SUGCT: variants seen among roughly 807,000 people sequenced by gnomAD.
SUGCT encodes the protein succinyl-CoA:glutarate-CoA transferase.
Under a neutral mutation model 55.0 loss-of-function variants are expected in SUGCT, and 41 were observed. That is an observed-to-expected ratio of 0.74 (90% CI 0.58 to 0.97). The LOEUF (loss-of-function observed/expected upper bound fraction) is 0.97, where lower values mean the gene tolerates loss of function less well. SUGCT is among the 50% of genes least tolerant of loss of function. The probability of loss-of-function intolerance (pLI) is 0.00; values close to 1 mark genes in which losing one functional copy is unlikely to be tolerated. For missense variants in SUGCT, 568 were observed against 547.8 expected (o/e 1.04, Z -0.37); for synonymous variants, 187 against 200.4 (o/e 0.93, Z 0.56).
the SUGCT span, among the ~76,000 whole-genome samples, chr7:41,035,241 G>T: frequency 6.6e-6 from 1 of 152,318 alleles, no homozygotes; most frequent in South Asian, 2.1e-4. Flanking sequence ...CAACCAGGTG[G>T]TCTCCAGGAA....
chr7:40,460,932 T>C (rs1048523642), intron 11 of SUGCT, among the ~76,000 whole-genome samples: 1 of 152,150 alleles, frequency 6.6e-6, no homozygotes, highest in Non-Finnish European at 1.5e-5. Context: ...GAGAGGAAAT[T>C]TCATAAGGAG....
chr7:40,514,283 T>A (rs1435031665), intron 12 of SUGCT, among the ~76,000 whole-genome samples: 4 of 152,106 alleles, frequency 2.6e-5, no homozygotes, highest in Non-Finnish European at 5.9e-5. Flanking sequence ...ACCTGAAGAT[T>A]CAGACTTCAT....
chr7:40,409,258 C>T (rs1261632696), intron 9 of SUGCT, among the ~76,000 whole-genome samples: 1 of 135,624 alleles, frequency 7.4e-6, no homozygotes, highest in Non-Finnish European at 1.6e-5. Flanking sequence ...GCTGAGCTGT[C>T]TCTCTTTTTT....
chr7:40,370,593 G>T (rs933886332), intron 9 of SUGCT, among the ~76,000 whole-genome samples: 2 of 148,204 alleles, frequency 1.3e-5, no homozygotes, highest in Non-Finnish European at 3.0e-5. Context: ...GAGAGAGATG[G>T]GGGAGAGAGA....
chr7:40,365,920 A>G (rs1248909887), intron 9 of SUGCT, among the ~76,000 whole-genome samples: 8 of 151,900 alleles, frequency 5.3e-5, no homozygotes, highest in East Asian at 1.9e-4. Context: ...CTACTTTAAA[A>G]TTCATATGGA....
chr7:40,471,857 T>G (rs1041693126), intron 11 of SUGCT, among the ~76,000 whole-genome samples: 4 of 152,030 alleles, frequency 2.6e-5, no homozygotes, highest in African/African-American at 7.2e-5. Context: ...AAGAGACTAT[T>G]AAAATAGGTC....
chr7:40,632,366 A>G (rs1403123179), intron 12 of SUGCT, among the ~76,000 whole-genome samples: 1 of 151,702 alleles, frequency 6.6e-6, no homozygotes, highest in Non-Finnish European at 1.5e-5. Flanking sequence ...GCTTCTCTGA[A>G]TCTTCTGCCT....
chr7:40,613,999 A>G (rs989741128), intron 12 of SUGCT, among the ~76,000 whole-genome samples: 1 of 152,170 alleles, frequency 6.6e-6, no homozygotes, highest in Non-Finnish European at 1.5e-5. Context: ...TTCGAATGTC[A>G]TATCTGTGCT....
chr7:40,312,581 G>C (rs187803546), intron 8 of SUGCT, among the ~76,000 whole-genome samples: 1 of 152,152 alleles, frequency 6.6e-6, no homozygotes, highest in Non-Finnish European at 1.5e-5. Context: ...GACCTAGCTC[G>C]TTCTAGCTTT....
chr7:40,996,679 G>T, the SUGCT span, among the ~76,000 whole-genome samples: 1 of 152,166 alleles, frequency 6.6e-6, no homozygotes, highest in Admixed American at 6.5e-5. Flanking sequence ...TTTGTGCCAA[G>T]AATGACCATA....
intron 9 of SUGCT, among the ~76,000 whole-genome samples, chr7:40,415,641 T>C (rs994854564): frequency 1.3e-5 from 2 of 152,100 alleles, no homozygotes; most frequent in Non-Finnish European, 2.9e-5. Context: ...TTTTTACTTA[T>C]TTTCACATTT....
At chr7:40,303,252 T>G (rs1286733811) in intron 8 of SUGCT, among the ~76,000 whole-genome samples, 2 of 152,062 alleles carry the variant, frequency 1.3e-5, no homozygotes, top group Admixed American at 1.3e-4. Context: ...CAGGCTGGTC[T>G]TGGACTCCTG....
intron 8 of SUGCT, among the ~76,000 whole-genome samples, chr7:40,310,011 A>G (rs1193840353): frequency 6.6e-6 from 1 of 152,198 alleles, no homozygotes; most frequent in African/African-American, 2.4e-5. Flanking sequence ...TCCACCCTCC[A>G]GAAGCAGGAC....
chr7:40,723,425 G>C (rs967960011), intron 12 of SUGCT, among the ~76,000 whole-genome samples: 7 of 152,164 alleles, frequency 4.6e-5, no homozygotes, highest in Non-Finnish European at 7.3e-5. Context: ...GGGTGTAGGG[G>C]CTGCGGCTTT....
At chr7:40,990,176 T>G in the SUGCT span, among the ~76,000 whole-genome samples, 4 of 152,346 alleles carry the variant, frequency 2.6e-5, no homozygotes, top group South Asian at 8.3e-4. Context: ...GCTTCTTGAT[T>G]CATGACCTGT....
intron 12 of SUGCT, among the ~76,000 whole-genome samples, chr7:40,633,671 C>T (rs959872796): frequency 1.3e-5 from 2 of 152,150 alleles, no homozygotes; most frequent in African/African-American, 4.8e-5. Context: ...GAATCTCAAG[C>T]AAAACCCACC....
chr7:40,345,557 C>T (rs1797266838), intron 9 of SUGCT, among the ~76,000 whole-genome samples: 1 of 152,120 alleles, frequency 6.6e-6, no homozygotes, highest in Admixed American at 6.5e-5. Context: ...TTATGCTTCA[C>T]ATTATTCCAT....
chr7:40,232,693 C>T (rs960884913), intron 6 of SUGCT, among the ~76,000 whole-genome samples: 1 of 152,114 alleles, frequency 6.6e-6, no homozygotes, highest in African/African-American at 2.4e-5. Flanking sequence ...TCTAGAAATT[C>T]ACGTTTTGCT....
intron 12 of SUGCT, among the ~76,000 whole-genome samples, chr7:40,530,019 C>T (rs1205412546): frequency 2.0e-5 from 3 of 152,136 alleles, no homozygotes; most frequent in Non-Finnish European, 4.4e-5. Context: ...TAATTGCTCA[C>T]CTCTTTCCAA....
Sources: allele counts gnomAD v4.1 joint callset (sites outside exome capture counted in the v4.1 genomes callset), GRCh38; gene constraint gnomAD v4.1.1; transcripts MANE v1.5; gene names NCBI Gene and HGNC (gene_info 2026-07-23, HGNC 2026-07-21).